Variants in PRR5L observed in about 807,000 individuals in gnomAD.
PRR5L encodes the protein proline rich 5 like.
A neutral mutation model predicts 36.4 loss-of-function variants in PRR5L; 21 were observed. The observed-to-expected ratio is 0.58, with a 90% CI of 0.41 to 0.83. PRR5L has a LOEUF of 0.83. PRR5L is among the 40% of genes least tolerant of loss of function. The probability of loss-of-function intolerance (pLI) is 0.00; values close to 1 mark genes in which losing one functional copy is unlikely to be tolerated. For synonymous variants in PRR5L, 188 were observed against 197.0 expected (o/e 0.95, Z 0.38); for missense variants, 381 against 473.3 (o/e 0.80, Z 1.81).
intron 4 of PRR5L, among the ~76,000 whole-genome samples, chr11:36,423,201 A>G (rs1215088074): frequency 6.6e-6 from 1 of 152,180 alleles, no homozygotes; most frequent in Non-Finnish European, 1.5e-5. Context: ...CGTTGTCAAT[A>G]GGTCATGGAT....
rs572850437 is a variant in PRR5L at position 36,344,226 on chromosome 11, A to G, written c.-126+47788A>G. The stretch of plus-strand genomic sequence containing the variant: ...AAGCGCAAAACTCTGTCTCAAAAAA[A>G]AAAAATCACATGCTCATAGAAAAAT... On this transcript the variant is annotated intron_variant, in intron 1 of 8. Coordinates refer to ENST00000530639, the MANE Select transcript of PRR5L (RefSeq NM_001160167.2). The surrounding 1 kb of genome is among the most constrained non-coding windows in gnomAD (Gnocchi z 4.1). 6.6e-6 allele frequency among the ~76,000 whole-genome samples: 1 copy of G among 152,334 alleles called. No individual in the cohort carries two copies. The highest frequency in any genetic ancestry group is 2.4e-5 in the African/African-American group (1 of 41,572).
chr11:36,310,995 CAAAA>C (rs59947428), intron 1 of PRR5L, among the ~76,000 whole-genome samples: 1 of 88,432 alleles, frequency 1.1e-5, no homozygotes, highest in Non-Finnish European at 2.0e-5. Flanking sequence ...ACTCCGTCTC[CAAAA>C]AAAAAAAAAA....
intron 1 of PRR5L, among the ~76,000 whole-genome samples, chr11:36,341,798 G>C (rs2133481048): frequency 1.3e-5 from 2 of 152,284 alleles, no homozygotes; most frequent in Middle Eastern, 6.8e-3. Context: ...GTGTTTACCT[G>C]GTTTTCCAGA....
chr11:36,373,686 C>T (rs544605232), intron 1 of PRR5L, among the ~76,000 whole-genome samples: 16 of 152,014 alleles, frequency 1.1e-4, no homozygotes, highest in Non-Finnish European at 1.9e-4. Flanking sequence ...CTTTAAACTT[C>T]CCTTTCAGTC....
At chr11:36,351,518 TA>T (rs1213778679) in intron 1 of PRR5L, among the ~76,000 whole-genome samples, 12,283 of 38,176 alleles carry the variant, frequency 0.32, 4,362 homozygotes, top group Non-Finnish European at 0.36. Flanking sequence ...TATTTATATA[TA>T]TTTATATATT....
chr11:36,393,082 C>A (rs1247139585), intron 1 of PRR5L, among the ~76,000 whole-genome samples: 1 of 151,670 alleles, frequency 6.6e-6, no homozygotes, highest in Non-Finnish European at 1.5e-5. Flanking sequence ...GGTTGTTAAT[C>A]CCTTGTCAGA....
intron 1 of PRR5L, chr11:36,376,345 A>AGAGGAGGAGGAGGAG: frequency 1.1e-6 from 1 of 900,114 alleles, no homozygotes; most frequent in Non-Finnish European, 1.4e-6. Context: ...AGGAGGAGGA[A>AGAGGAGGAGGAGGAG]GAGGAGGAGG....
chr11:36,452,840 G>A (rs1858972502), intron 8 of PRR5L, among the ~76,000 whole-genome samples: 1 of 152,212 alleles, frequency 6.6e-6, no homozygotes, highest in Admixed American at 6.5e-5. Context: ...ACAGAACCCT[G>A]TAACACATTA....
intron 5 of PRR5L, among the ~76,000 whole-genome samples, chr11:36,436,811 G>A (rs900953994): frequency 1.3e-5 from 2 of 152,202 alleles, no homozygotes; most frequent in Non-Finnish European, 2.9e-5. Flanking sequence ...TAAAGCGGGG[G>A]TATTAGAGTC....
chr11:36,402,006 A>G (rs1368143803), intron 2 of PRR5L, among the ~76,000 whole-genome samples: 1 of 152,190 alleles, frequency 6.6e-6, no homozygotes, highest in Non-Finnish European at 1.5e-5. Flanking sequence ...ATTGGCATAA[A>G]CCCAAGATTA....
At chr11:36,355,986 A>C (rs571755774) in intron 1 of PRR5L, among the ~76,000 whole-genome samples, 1 of 151,376 alleles carries the variant, frequency 6.6e-6, no homozygotes, top group East Asian at 2.0e-4. Context: ...CAAACAGCTC[A>C]CTGCAGCCTT....
At chr11:36,386,212 G>A (rs1857453634) in intron 1 of PRR5L, among the ~76,000 whole-genome samples, 1 of 152,158 alleles carries the variant, frequency 6.6e-6, no homozygotes, top group Non-Finnish European at 1.5e-5. Flanking sequence ...GCTTGAGCCA[G>A]GAGGTCAAGG....
chr11:36,343,917 T>C (rs182040194), intron 1 of PRR5L, among the ~76,000 whole-genome samples: 4 of 152,030 alleles, frequency 2.6e-5, no homozygotes, highest in Admixed American at 6.6e-5. Flanking sequence ...TTTTTTTTTT[T>C]TAAAATATCA....
chr11:36,369,158 C>T (rs1857173447), intron 1 of PRR5L, among the ~76,000 whole-genome samples: 1 of 152,104 alleles, frequency 6.6e-6, no homozygotes, highest in African/African-American at 2.4e-5. Context: ...ATTAAGACAA[C>T]CTTAGGCCCT....
At chr11:36,359,309 GGA>G (rs1383520736) in intron 1 of PRR5L, among the ~76,000 whole-genome samples, 1 of 152,184 alleles carries the variant, frequency 6.6e-6, no homozygotes, top group Non-Finnish European at 1.5e-5. Flanking sequence ...TCTTAGCGTG[GGA>G]GAGAGGCCAC....
chr11:36,343,955 G>A (rs1022030095), intron 1 of PRR5L, among the ~76,000 whole-genome samples: 2 of 151,154 alleles, frequency 1.3e-5, no homozygotes, highest in Non-Finnish European at 2.9e-5. Flanking sequence ...GGTGGCTCAC[G>A]CCTGTAATTC....
intron 1 of PRR5L, among the ~76,000 whole-genome samples, chr11:36,362,628 A>C (rs1857102850): frequency 6.6e-6 from 1 of 151,996 alleles, no homozygotes. Flanking sequence ...AAGCATAATC[A>C]ATTATGTCTG....
intron 1 of PRR5L, among the ~76,000 whole-genome samples, chr11:36,326,888 T>C (rs990646911): frequency 1.3e-5 from 2 of 152,162 alleles, no homozygotes; most frequent in African/African-American, 4.8e-5. Context: ...AATAAAACCC[T>C]TTTGTCTGCA....
chr11:36,298,192 G>C (rs1275807732), intron 1 of PRR5L, among the ~76,000 whole-genome samples: 3 of 152,040 alleles, frequency 2.0e-5, no homozygotes, highest in Admixed American at 6.6e-5. Context: ...CAGACTGAGG[G>C]GCTTAAACCA....
Sources: allele counts gnomAD v4.1 joint callset (sites outside exome capture counted in the v4.1 genomes callset), GRCh38; gene constraint gnomAD v4.1.1; non-coding constraint Gnocchi (gnomAD v3.1); transcripts MANE v1.5; gene names NCBI Gene and HGNC (gene_info 2026-07-23, HGNC 2026-07-21).